The following PACS2 variants were observed in gnomAD, a reference collection of about 807,000 sequenced individuals.
PACS2 encodes phosphofurin acidic cluster sorting protein 2.
Under a neutral mutation model 113.0 loss-of-function variants are expected in PACS2, and 36 were observed. That is an observed-to-expected ratio of 0.32 (90% CI 0.24 to 0.42). PACS2 has a LOEUF of 0.42. Among genes scored for constraint, PACS2 ranks in the 10% least tolerant of loss-of-function variants. The pLI is 1.00. For synonymous variants in PACS2, 589 were observed against 536.1 expected, an observed-to-expected ratio of 1.10 and a Z score of -1.36; for missense variants, 1,015 against 1,239.5, an observed-to-expected ratio of 0.82 and a Z score of 2.72.
At chr14:105,384,781 CGGGAGGCCTGGGCGGGGCACCG>C (rs2081116649) in intron 17 of PACS2, 76 bp from the exon 18 acceptor site, 1 of 788,134 alleles carries the variant, frequency 1.3e-6, no homozygotes, top group South Asian at 1.5e-5. Context: ...CTTCGGGGTA[CGGGAGGCCTGGGCGGGGCACCG>C]GGGAGGCCCA....
At position 105,357,448 on chromosome 14, in the gene PACS2, C is replaced by T. The variant is rs986601150; in HGVS notation, c.423+2271C>T. On this transcript the variant is annotated intron_variant, in intron 4 of 24. Coordinates refer to ENST00000447393, the MANE Select transcript of PACS2 (RefSeq NM_001100913.3). The surrounding 1 kb of genome is among the most constrained non-coding windows in gnomAD (Gnocchi z 5.1). ...GGCTTCCAAAGCCGAGGTCATCTGA[C>T]TGCTCCTCGCTCTCCCCTCCAGCAT... Among the ~76,000 whole-genome samples the T allele has an allele frequency of 6.6e-6, 1 of 152,168 alleles. No individual in the cohort carries two copies. The highest frequency in any genetic ancestry group is 1.5e-5 in the Non-Finnish European group (1 of 68,038).
At chr14:105,341,289 G>A (rs116855684) in intron 1 of PACS2, among the ~76,000 whole-genome samples, 4 of 152,142 alleles carry the variant, frequency 2.6e-5, no homozygotes, top group African/African-American at 9.7e-5. Context: ...TCTGGGATTC[G>A]GATTCAAGTC....
Position 105,380,295 on chromosome 14 carries a change from G to A in PACS2, c.1125+141G>A. 7.1e-6 allele frequency: 5 copies of A among 705,312 alleles called. No individual in the cohort carries two copies. The South Asian group carries it at 7.3e-5, about 10-fold the overall frequency. 43.7% of individuals were successfully genotyped at this position (705,312 alleles called of 1,614,324 possible). A position where few individuals can be genotyped will look rare whatever the true frequency, so the allele number is the denominator to read the frequency against. On this transcript the variant is annotated intron_variant, in intron 11 of 24. Coordinates refer to ENST00000447393, the MANE Select transcript of PACS2 (RefSeq NM_001100913.3). ...TGTGCAGAGGTGGGGTCAGCCCTCAGGGGTGGCCAGGCTGCCAGATGGTCA... is the reference window on the plus strand; with the variant it reads ...TGTGCAGAGGTGGGGTCAGCCCTCAAGGGTGGCCAGGCTGCCAGATGGTCA...
At position 105,366,094 on chromosome 14, in the gene PACS2, A is replaced by G. The variant is rs587712806; in HGVS notation, c.424-1119A>G. Among the ~76,000 whole-genome samples the G allele has an allele frequency of 2.0e-5, 3 of 152,372 alleles. No individual in the cohort carries two copies. The highest frequency in any genetic ancestry group is 7.2e-5 in the African/African-American group (3 of 41,604). On this transcript the variant is annotated intron_variant, in intron 4 of 24. Coordinates refer to ENST00000447393, the MANE Select transcript of PACS2 (RefSeq NM_001100913.3). The surrounding 1 kb of genome is among the most constrained non-coding windows in gnomAD (Gnocchi z 4.3). ...GCTGGGCGTGGTGGCTCACGCCTGT[A>G]ATCCCAGCACTTTGGGAGGCCGAGG... is the stretch of plus-strand genomic sequence containing the variant.
chr14:105,385,833 G>C, intron 19 of PACS2, 116 bp downstream of exon 19: 2 of 557,820 alleles, frequency 3.6e-6, no homozygotes, highest in Non-Finnish European at 5.8e-6. Context: ...CTGGGAGTCA[G>C]GCCCTGAGGG....
intron 1 of PACS2, among the ~76,000 whole-genome samples, chr14:105,320,457 G>C (rs1037823168): frequency 5.3e-5 from 8 of 152,284 alleles, no homozygotes; most frequent in African/African-American, 1.9e-4. Flanking sequence ...CAATCCTCCT[G>C]CCTCAGCCTC....
intron 1 of PACS2, among the ~76,000 whole-genome samples, chr14:105,320,933 A>G (rs769068008): frequency 1.8e-4 from 28 of 152,184 alleles, no homozygotes; most frequent in Non-Finnish European, 2.9e-4. Context: ...TGGGTGGATT[A>G]CCGGAGGTTA....
At chr14:105,367,120 G>GAGAAAGCCCTTC (rs1555408102) in intron 4 of PACS2, 93 bp from the exon 5 acceptor site, 1 of 1,192,736 alleles carries the variant, frequency 8.4e-7, no homozygotes, top group Non-Finnish European at 1.2e-6. Context: ...GTCACTGAGA[G>GAGAAAGCCCTTC]AGAAAGCCCT....
intron 20 of PACS2, chr14:105,390,624 A>G (rs1555414584): frequency 1.8e-5 from 3 of 168,018 alleles, no homozygotes; most frequent in African/African-American, 7.2e-5. Flanking sequence ...CGGTTTCCCC[A>G]CTGGTGGAAC....
chr14:105,383,184 C>T, intron 15 of PACS2, 175 bp from the exon 16 acceptor site: 1 of 754,068 alleles, frequency 1.3e-6, no homozygotes. Flanking sequence ...TGTGGTCCCT[C>T]AGCCTGGGCA....
Position 105,385,713 on chromosome 14 carries a change from C to T in PACS2, c.2029C>T (p.Leu677=). 1 of 1,516,478 alleles carries T rather than the reference C, an allele frequency of 6.6e-7. No homozygotes were observed. Among genetic ancestry groups the T allele is most frequent in the Non-Finnish European group, 8.8e-7 (1 of 1,135,146 alleles). The allele number at this position is 1,516,478 out of a possible 1,614,324, so 93.9% of individuals were successfully genotyped here. Residue 677 remains leucine (L), a synonymous_variant, in exon 19 of 25, where the codon CTA becomes TTA. Coordinates refer to ENST00000447393, the MANE Select transcript of PACS2 (RefSeq NM_001100913.3). ...RKKHFHFDFT[L]SPDEESSQKF... Reference sequence around the variant, plus strand: ...AAAGCATTTTCATTTTGACTTTACCCTAAGGTACGGCTCTGTGGGTCTGCC... The same window carrying T: ...AAAGCATTTTCATTTTGACTTTACCTTAAGGTACGGCTCTGTGGGTCTGCC...
Position 105,385,693 on chromosome 14 carries a change from A to G in PACS2, c.2009A>G (p.His670Arg). 2 of 1,520,170 alleles carry G rather than the reference A, an allele frequency of 1.3e-6. No individual in the cohort carries two copies. Among genetic ancestry groups the G allele is most frequent in the Non-Finnish European group, 1.8e-6 (2 of 1,137,096 alleles). 94.2% of individuals were successfully genotyped at this position (1,520,170 alleles called of 1,614,324 possible). ...MLTYKQKRKK[H>R]FHFDFTLSPD... ...GGTGGCTTTCTGAAAAGGAAAAAGCATTTTCATTTTGACTTTACCCTAAGG... is the reference window on the plus strand; with the variant it reads ...GGTGGCTTTCTGAAAAGGAAAAAGCGTTTTCATTTTGACTTTACCCTAAGG... Residue 670 changes from histidine to arginine, a missense_variant, in exon 19 of 25, where the codon CAT becomes CGT. His to Arg is a conservative substitution (Grantham distance 29, BLOSUM62 0). This residue lies in a region of PACS2 where 859 missense variants were observed against 1,056.8 expected (regional missense o/e 0.81). Transcript: ENST00000447393.
At chr14:105,336,574 A>T (rs1032202915) in intron 1 of PACS2, 1 of 152,466 alleles carries the variant, frequency 6.6e-6, no homozygotes, top group Admixed American at 6.5e-5. Context: ...AGGCGGCAGG[A>T]TGAGGCCGCC....
intron 4 of PACS2, among the ~76,000 whole-genome samples, chr14:105,359,792 C>T (rs587655134): frequency 7.2e-5 from 11 of 152,134 alleles, no homozygotes; most frequent in South Asian, 2.1e-4. Context: ...GGGGTTTCAC[C>T]GTGTTAGCCA....
At chr14:105,322,985 C>A (rs1343579590) in intron 1 of PACS2, among the ~76,000 whole-genome samples, 3 of 152,170 alleles carry the variant, frequency 2.0e-5, no homozygotes, top group Non-Finnish European at 4.4e-5. Context: ...TCCCACAGGT[C>A]CAGGCAGGGC....
chr14:105,312,511 T>C (rs2058374238), upstream of PACS2, among the ~76,000 whole-genome samples: 1 of 152,160 alleles, frequency 6.6e-6, no homozygotes, highest in South Asian at 2.1e-4. Context: ...GTTCCTGCTT[T>C]AAAGAAAACG....
chr14:105,357,575 T>C lies in PACS2; in HGVS notation c.423+2398T>C, dbSNP rs1357957449. On this transcript the variant is annotated intron_variant, in intron 4 of 24. Coordinates refer to ENST00000447393, the MANE Select transcript of PACS2 (RefSeq NM_001100913.3). This position sits in a 1 kb window ranked among gnomAD's most constrained non-coding sequence, Gnocchi z 5.1. ...TGTCCCCGAGCACCAGGGCGGTTCA[T>C]GGGCTCCCTGTGTCCTGCCACCTTT... 1.3e-5 allele frequency among the ~76,000 whole-genome samples: 2 copies of C among 152,132 alleles called. No individual in the cohort carries two copies. Among genetic ancestry groups the C allele is most frequent in the African/African-American group, 2.4e-5 (1 of 41,444 alleles).
At chr14:105,336,839 G>C (rs1257566311) in intron 1 of PACS2, among the ~76,000 whole-genome samples, 1 of 152,220 alleles carries the variant, frequency 6.6e-6, no homozygotes, top group African/African-American at 2.4e-5. Context: ...AAATGAGACA[G>C]AGTTACCGTC....
At chr14:105,322,285 G>A (rs2058924991) in intron 1 of PACS2, among the ~76,000 whole-genome samples, 1 of 149,986 alleles carries the variant, frequency 6.7e-6, no homozygotes, top group African/African-American at 2.5e-5. Context: ...TCTCTTTTGA[G>A]ATGGAGTCTT....
Sources: allele counts gnomAD v4.1 joint callset (sites outside exome capture counted in the v4.1 genomes callset), GRCh38; gene constraint gnomAD v4.1.1; regional missense constraint gnomAD v4.1.1; non-coding constraint Gnocchi (gnomAD v3.1); transcripts MANE v1.5; gene names NCBI Gene and HGNC (gene_info 2026-07-23, HGNC 2026-07-21).